EYS: variants seen among roughly 807,000 people sequenced by gnomAD.
EYS encodes EGF-like photoreceptor maintenance factor, also known as protein eyes shut homolog.
EYS carries 250 observed loss-of-function variants against 282.1 expected under a neutral mutation model. The ratio of observed to expected loss-of-function variants is 0.89; its 90% CI spans 0.80 to 0.98. The LOEUF (loss-of-function observed/expected upper bound fraction) is 0.98, where lower values mean the gene tolerates loss of function less well. Among genes scored for constraint, EYS ranks in the 50% least tolerant of loss-of-function variants. The pLI, the probability that EYS is intolerant of heterozygous loss-of-function variation, is 0.00. For missense variants in EYS, 4,016 were observed against 3,709.0 expected, an observed-to-expected ratio of 1.08 and a Z score of -2.15; for synonymous variants, 1,355 against 1,282.9, an observed-to-expected ratio of 1.06 and a Z score of -1.20.
Position 63,778,038 on chromosome 6 carries a change from A to G in EYS, c.7866T>C (p.Gly2622=), listed in dbSNP as rs1582197390. Residue 2622 remains glycine, a synonymous_variant, in exon 40 of 43, where the codon GGT becomes GGC. Transcript: ENST00000503581. ...SPCSLMKCGN[G]GTCIESGTSV... Reference sequence around the variant, plus strand: ...TAGTTCCACTCTCTATGCATGTCCCACCATTGCCACATTTCATTAAACTGC... The same window carrying G: ...TAGTTCCACTCTCTATGCATGTCCCGCCATTGCCACATTTCATTAAACTGC... 6.4e-7 allele frequency: 1 copy of G among 1,551,662 alleles called. No homozygotes were observed. Among genetic ancestry groups the G allele is most frequent in the South Asian group, 1.2e-5 (1 of 84,064 alleles).
intron 19 of EYS, among the ~76,000 whole-genome samples, chr6:64,870,445 A>C (rs1193650276): frequency 6.6e-6 from 1 of 151,176 alleles, no homozygotes; most frequent in Non-Finnish European, 1.5e-5. Flanking sequence ...AAAAAACAAA[A>C]AGCTGGGAAG....
intron 19 of EYS, among the ~76,000 whole-genome samples, chr6:64,853,866 T>C (rs1421003273): frequency 6.6e-6 from 1 of 152,000 alleles, no homozygotes; most frequent in African/African-American, 2.4e-5. Flanking sequence ...AAAGGGCTAA[T>C]ATCCAGAATC....
intron 26 of EYS, among the ~76,000 whole-genome samples, chr6:64,494,775 G>A (rs923261496): frequency 1.3e-5 from 2 of 151,550 alleles, no homozygotes; most frequent in Non-Finnish European, 3.0e-5. Context: ...TGGCTTCTCT[G>A]GGCCCATTTT....
chr6:65,503,554 T>C (rs1286138854), intron 2 of EYS, among the ~76,000 whole-genome samples: 1 of 151,684 alleles, frequency 6.6e-6, no homozygotes, highest in African/African-American at 2.4e-5. Flanking sequence ...TTATCCTATG[T>C]TTTCTCCTAG....
Position 63,921,156 on chromosome 6 carries a change from A to G in EYS, c.7056-56798T>C, listed in dbSNP as rs1429246122. Among the ~76,000 whole-genome samples, 8 of 152,134 alleles carry G rather than the reference A, an allele frequency of 5.3e-5. No individual in the cohort carries two copies. In the East Asian group the frequency reaches 1.3e-3, roughly 26 times the overall value. ...CGTGATCTGCCCGCCTCGGCATCCC[A>G]AAGTGCTGGGATTACAGGCGTGAGC... On this transcript the variant is annotated intron_variant, in intron 35 of 42. Transcript: ENST00000503581.
At chr6:65,009,954 G>A (rs1263741724) in intron 13 of EYS, among the ~76,000 whole-genome samples, 5 of 152,128 alleles carry the variant, frequency 3.3e-5, no homozygotes, top group Admixed American at 3.3e-4. Flanking sequence ...CCTAGGTATG[G>A]CAAAATAGCC....
chr6:65,284,249 C>T (rs1293679891), intron 12 of EYS, among the ~76,000 whole-genome samples: 2 of 152,068 alleles, frequency 1.3e-5, no homozygotes, highest in Non-Finnish European at 2.9e-5. Context: ...AAAAAGAAGT[C>T]TGGCCAAATT....
chr6:64,360,995 G>T (rs934750680), intron 29 of EYS, among the ~76,000 whole-genome samples: 3 of 151,558 alleles, frequency 2.0e-5, no homozygotes, highest in African/African-American at 7.3e-5. Context: ...GTTTTTCCTT[G>T]AAAACCTGAG....
intron 31 of EYS, among the ~76,000 whole-genome samples, chr6:64,215,268 T>A (rs1193841079): frequency 6.6e-6 from 1 of 152,108 alleles, no homozygotes; most frequent in African/African-American, 2.4e-5. Context: ...TGTCATGTTT[T>A]AAATGCTATG....
chr6:65,022,060 C>T (rs2150138987), intron 13 of EYS, among the ~76,000 whole-genome samples: 1 of 152,364 alleles, frequency 6.6e-6, no homozygotes, highest in Middle Eastern at 3.4e-3. Context: ...GGTGGGAACA[C>T]AGCCAAATCA....
intron 14 of EYS, among the ~76,000 whole-genome samples, chr6:64,967,200 T>C (rs1770124291): frequency 1.3e-5 from 2 of 152,166 alleles, no homozygotes; most frequent in Non-Finnish European, 2.9e-5. Flanking sequence ...ATTACTTTTC[T>C]AAAAATTAAA....
At chr6:64,393,115 G>C (rs974401165) in intron 28 of EYS, among the ~76,000 whole-genome samples, 2 of 152,100 alleles carry the variant, frequency 1.3e-5, no homozygotes, top group Non-Finnish European at 2.9e-5. Context: ...CCAATAGCAG[G>C]ATCTGAAATT....
intron 33 of EYS, among the ~76,000 whole-genome samples, chr6:64,011,253 T>A (rs1768610115): frequency 6.6e-6 from 1 of 152,156 alleles, no homozygotes. Context: ...TGCTAGCACA[T>A]AAAAGTGTGA....
chr6:65,688,202 C>A (rs1168685248), intron 1 of EYS, among the ~76,000 whole-genome samples: 1 of 151,972 alleles, frequency 6.6e-6, no homozygotes, highest in Non-Finnish European at 1.5e-5. Context: ...GCTACAGTAA[C>A]CAAAACAGCA....
chr6:64,298,864 A>G (rs958538896), intron 30 of EYS, among the ~76,000 whole-genome samples: 9 of 152,192 alleles, frequency 5.9e-5, no homozygotes, highest in Non-Finnish European at 8.8e-5. Context: ...GCAAATAGTA[A>G]CCAAAAGAGA....
At chr6:65,236,318 A>G (rs1460619769) in intron 12 of EYS, among the ~76,000 whole-genome samples, 5 of 152,144 alleles carry the variant, frequency 3.3e-5, no homozygotes, top group African/African-American at 1.2e-4. Context: ...TAAATATAAA[A>G]CCCGTAAAAT....
intron 2 of EYS, among the ~76,000 whole-genome samples, chr6:65,611,383 T>C (rs1251155651): frequency 6.6e-6 from 1 of 152,020 alleles, no homozygotes; most frequent in East Asian, 1.9e-4. Flanking sequence ...AAAGTCAGTA[T>C]AAAGTATACC....
At chr6:64,904,016 G>A (rs1284022254) in intron 16 of EYS, among the ~76,000 whole-genome samples, 7 of 152,128 alleles carry the variant, frequency 4.6e-5, no homozygotes, top group African/African-American at 1.7e-4. Flanking sequence ...CATATCAAAA[G>A]TTATATTAAA....
chr6:64,961,729 CCA>C (rs151063511), intron 14 of EYS, among the ~76,000 whole-genome samples: 2,616 of 152,174 alleles, frequency 0.017, 86 homozygotes, highest in African/African-American at 0.059. Flanking sequence ...CACAATCCTA[CCA>C]ATACACCTTT....
Sources: gnomAD v4.1 joint callset for allele counts (sites outside exome capture counted in the v4.1 genomes callset) on GRCh38, gnomAD v4.1.1 for gene constraint, MANE v1.5 for transcripts, NCBI Gene and HGNC (gene_info 2026-07-23, HGNC 2026-07-21) for gene names.